NAV2: variants seen among roughly 807,000 people sequenced by gnomAD.
NAV2 encodes neuron navigator 2.
NAV2 carries 54 observed loss-of-function variants against 223.2 expected under a neutral mutation model. The observed-to-expected ratio is 0.24, with a 90% CI of 0.19 to 0.30. The LOEUF (loss-of-function observed/expected upper bound fraction) is 0.30. NAV2 is among the 10% of genes least tolerant of loss of function. The probability of loss-of-function intolerance (pLI) is 1.00; values close to 1 mark genes in which losing one functional copy is unlikely to be tolerated. For missense variants in NAV2, 2,806 were observed against 3,147.5 expected (o/e 0.89, Z 2.60); for synonymous variants, 1,279 against 1,239.3 (o/e 1.03, Z -0.67).
intron 1 of NAV2, among the ~76,000 whole-genome samples, chr11:19,374,769 C>T (rs1848587012): frequency 6.6e-6 from 1 of 152,160 alleles, no homozygotes; most frequent in Non-Finnish European, 1.5e-5. Context: ...ATAACGTTCT[C>T]CCGCTTTGTT....
chr11:19,707,674 A>G (rs1033238248), intron 1 of NAV2, among the ~76,000 whole-genome samples: 2 of 152,258 alleles, frequency 1.3e-5, no homozygotes, highest in Non-Finnish European at 2.9e-5. Context: ...TACAGTAAAT[A>G]CATGAACCCA....
chr11:19,826,886 C>T (rs1334146679), intron 1 of NAV2, among the ~76,000 whole-genome samples: 3 of 152,232 alleles, frequency 2.0e-5, no homozygotes, highest in South Asian at 2.1e-4. Context: ...CTCTACCTGG[C>T]GACCACTTAC....
intron 11 of NAV2, among the ~76,000 whole-genome samples, chr11:20,003,898 G>A (rs1295686665): frequency 6.6e-6 from 1 of 152,218 alleles, no homozygotes; most frequent in East Asian, 1.9e-4. Flanking sequence ...GGATTTGGAT[G>A]TTCTAGCTTC....
chr11:19,807,225 C>T (rs1342333201), intron 1 of NAV2, among the ~76,000 whole-genome samples: 2 of 152,174 alleles, frequency 1.3e-5, no homozygotes, highest in African/African-American at 4.8e-5. Flanking sequence ...TTTCACATGA[C>T]AAATTAGAAT....
chr11:19,935,756 A>C (rs1173883176), intron 7 of NAV2, among the ~76,000 whole-genome samples: 1 of 151,710 alleles, frequency 6.6e-6, no homozygotes, highest in Non-Finnish European at 1.5e-5. Flanking sequence ...TATTGAATCA[A>C]GTCATCAGCT....
rs1313893005 is a variant in NAV2 at position 19,946,589 on chromosome 11, C to T, written c.2255+80C>T. ...GTGTTTGTTCATAGCAGTAGCAAAGCGATTTGGTTATAATGGATCATAGCC... is the reference window on the plus strand; with the variant it reads ...GTGTTTGTTCATAGCAGTAGCAAAGTGATTTGGTTATAATGGATCATAGCC... On this transcript the variant is annotated intron_variant, in intron 9 of 37. Transcript: ENST00000349880. 3.5e-5 allele frequency: 42 copies of T among 1,213,930 alleles called. No individual in the cohort carries two copies. In the South Asian group the frequency reaches 3.8e-4, roughly 11 times the overall value. The allele number at this position is 1,213,930 out of a possible 1,614,324, so 75.2% of individuals were successfully genotyped here. A position where few individuals can be genotyped will look rare whatever the true frequency, so the allele number is the denominator to read the frequency against.
rs145120340 is a variant in NAV2 at position 19,523,566 on chromosome 11, G to A, written c.75+172539G>A. Among the ~76,000 whole-genome samples the A allele has an allele frequency of 4.7e-3, 709 of 152,274 alleles. 2 individuals are homozygous for A. The highest frequency in any genetic ancestry group is 0.016 in the African/African-American group (664 of 41,534). The stretch of plus-strand genomic sequence containing the variant: ...CCCAGTTCTGCTTCCTCTAGAGCGA[G>A]GCCTTCTCTGACTAACTCAGTCTGG... On this transcript the variant is annotated intron_variant, in intron 1 of 37. Coordinates refer to the NAV2 transcript ENST00000360655.
chr11:20,050,027 AC>A, intron 16 of NAV2, 126 bp downstream of exon 16: 1 of 781,818 alleles, frequency 1.3e-6, no homozygotes, highest in Admixed American at 2.0e-5. Context: ...GCTCTAGTGT[AC>A]TCTGTGACAC....
chr11:19,614,937 C>A (rs977135358), intron 1 of NAV2, among the ~76,000 whole-genome samples: 9 of 152,104 alleles, frequency 5.9e-5, no homozygotes, highest in Non-Finnish European at 1.0e-4. Flanking sequence ...TTTTTACTAC[C>A]CAACATGGTA....
intron 6 of NAV2, among the ~76,000 whole-genome samples, chr11:19,920,754 G>A (rs1324339421): frequency 1.3e-5 from 2 of 152,136 alleles, no homozygotes; most frequent in African/African-American, 2.4e-5. Context: ...CACAAAGTTC[G>A]ATGATTGCAT....
chr11:19,727,841 G>C (rs1177505845), intron 1 of NAV2, among the ~76,000 whole-genome samples: 1 of 152,238 alleles, frequency 6.6e-6, no homozygotes, highest in Admixed American at 6.5e-5. Flanking sequence ...TGGAGGAAGA[G>C]GACTTAGTGA....
intron 10 of NAV2, among the ~76,000 whole-genome samples, chr11:19,965,116 G>C (rs913774015): frequency 6.6e-6 from 1 of 152,020 alleles, no homozygotes; most frequent in Non-Finnish European, 1.5e-5. Flanking sequence ...ACTGGACCCA[G>C]CCTCCTATTT....
intron 1 of NAV2, among the ~76,000 whole-genome samples, chr11:19,499,800 A>G (rs1206498516): frequency 6.6e-6 from 1 of 152,220 alleles, no homozygotes; most frequent in Non-Finnish European, 1.5e-5. Context: ...TTAGGCACTC[A>G]TCTCAGACAC....
chr11:19,921,894 C>T (rs2044305888), intron 6 of NAV2, among the ~76,000 whole-genome samples: 2 of 152,172 alleles, frequency 1.3e-5, no homozygotes, highest in African/African-American at 4.8e-5. Flanking sequence ...TGAATGTTAT[C>T]CTTCTTAACA....
chr11:19,777,746 G>A (rs1343960939), intron 1 of NAV2: 1 of 417,584 alleles, frequency 2.4e-6, no homozygotes, highest in Non-Finnish European at 4.9e-6. Flanking sequence ...CATTGAAGGG[G>A]GGTGGGACTG....
At chr11:19,349,044 C>CT (rs1173238326), upstream of NAV2, among the ~76,000 whole-genome samples, 2 of 152,226 alleles carry the variant, frequency 1.3e-5, no homozygotes, top group Admixed American at 6.5e-5. Context: ...CGAGTATCTA[C>CT]TTTTTTTCTA....
At chr11:19,735,271 T>C (rs906780334) in intron 1 of NAV2, among the ~76,000 whole-genome samples, 7 of 152,190 alleles carry the variant, frequency 4.6e-5, no homozygotes, top group African/African-American at 1.7e-4. Flanking sequence ...GGCAGTGAGC[T>C]TAGCACGGGC....
rs575801781 is a variant in NAV2, at chr11:19,480,156, T to C, written c.75+129129T>C. 5.9e-5 allele frequency among the ~76,000 whole-genome samples: 9 copies of C among 152,286 alleles called. No homozygotes were observed. The South Asian group carries it at 1.9e-3, about 32-fold the overall frequency. ...ATTCTCACTTAAGGAAACCCAGAGT[T>C]AAACAAAATTAAGCAGGTTTATTTG... is the stretch of plus-strand genomic sequence containing the variant. On this transcript the variant is annotated intron_variant, in intron 1 of 37. Coordinates refer to the NAV2 transcript ENST00000360655.
intron 36 of NAV2, among the ~76,000 whole-genome samples, chr11:20,111,391 G>A (rs1222236362): frequency 6.6e-6 from 1 of 152,238 alleles, no homozygotes. Flanking sequence ...GCCTGCAGTG[G>A]AGCTGAGGAG....
Sources: gnomAD v4.1 joint callset for allele counts (sites outside exome capture counted in the v4.1 genomes callset) on GRCh38, gnomAD v4.1.1 for gene constraint, MANE v1.5 for transcripts, NCBI Gene and HGNC (gene_info 2026-07-23, HGNC 2026-07-21) for gene names.